Variants in MTFR1 observed in about 807,000 individuals in gnomAD.
MTFR1 encodes mitochondrial fission regulator 1, also known as chondrocyte protein with a poly-proline region.
A neutral mutation model predicts 38.8 loss-of-function variants in MTFR1; 28 were observed. The ratio of observed to expected loss-of-function variants is 0.72; its 90% CI spans 0.53 to 0.99. MTFR1 has a LOEUF of 0.99. MTFR1 is among the 50% of genes least tolerant of loss of function. The pLI is 0.00. For missense variants in MTFR1, 358 were observed against 395.5 expected (o/e 0.91, Z 0.81); for synonymous variants, 145 against 137.0 (o/e 1.06, Z -0.41).
chr8:65,684,902 G>A (rs1805024436), intron 3 of MTFR1, among the ~76,000 whole-genome samples: 1 of 152,062 alleles, frequency 6.6e-6, no homozygotes, highest in African/African-American at 2.4e-5. Context: ...TACTCAGGAG[G>A]CTGAGGCAGG....
chr8:65,740,240 C>T (rs991918113), intron 3 of MTFR1, among the ~76,000 whole-genome samples: 6 of 152,106 alleles, frequency 3.9e-5, no homozygotes, highest in African/African-American at 1.2e-4. Flanking sequence ...CACTGCCCAG[C>T]AATCATATTG....
At chr8:65,775,150 A>G (rs1156639130), downstream of MTFR1, among the ~76,000 whole-genome samples, 1 of 152,054 alleles carries the variant, frequency 6.6e-6, no homozygotes, top group Non-Finnish European at 1.5e-5. Flanking sequence ...TTCCCCTCTT[A>G]GTTTTTGAGT....
chr8:65,772,941 G>C (rs1451689290), downstream of MTFR1, among the ~76,000 whole-genome samples: 5 of 152,264 alleles, frequency 3.3e-5, no homozygotes, highest in Non-Finnish European at 7.4e-5. Context: ...CTGGGAGACG[G>C]AGGCTGCAGT....
downstream of MTFR1, among the ~76,000 whole-genome samples, chr8:65,710,998 G>T (rs530836550): frequency 5.1e-3 from 756 of 148,834 alleles, 10 homozygotes; most frequent in South Asian, 0.048. Flanking sequence ...TATAGAGAGA[G>T]AGAGAGAGAG....
At chr8:65,688,518 G>A (rs1805169929) in intron 3 of MTFR1, among the ~76,000 whole-genome samples, 1 of 144,964 alleles carries the variant, frequency 6.9e-6, no homozygotes, top group South Asian at 2.2e-4. Context: ...GCGCAATCTC[G>A]GCTCACTGCA....
At chr8:65,765,488 C>CAAAAAAAAAAAAAA (rs11342419) in intron 3 of MTFR1, 1 of 44,586 alleles carries the variant, frequency 2.2e-5, no homozygotes, top group Admixed American at 3.8e-4. Flanking sequence ...GACTCCGTCT[C>CAAAAAAAAAAAAAA]AAAAAAAAAA....
At chr8:65,694,785 C>A (rs1213967094) in intron 4 of MTFR1, among the ~76,000 whole-genome samples, 1 of 152,198 alleles carries the variant, frequency 6.6e-6, no homozygotes, top group African/African-American at 2.4e-5. Context: ...GGAGGAAATG[C>A]TAGAGCTCCA....
At chr8:65,679,395 C>A (rs902470336) in intron 2 of MTFR1, 1 of 152,200 alleles carries the variant, frequency 6.6e-6, no homozygotes, top group African/African-American at 2.4e-5. Context: ...CACTTGAGGT[C>A]AAGAGTTCGG....
At chr8:65,707,308 A>G in intron 6 of MTFR1, 52 bp downstream of exon 6, 1 of 1,566,390 alleles carries the variant, frequency 6.4e-7, no homozygotes, top group Non-Finnish European at 8.7e-7. Context: ...TTATAAAACC[A>G]AAGTACCAGG....
At chr8:65,729,561 C>T (rs573103667) in intron 3 of MTFR1, among the ~76,000 whole-genome samples, 2 of 151,998 alleles carry the variant, frequency 1.3e-5, no homozygotes, top group African/African-American at 4.8e-5. Flanking sequence ...GATGCTACCT[C>T]TGAAAACAGA....
intron 3 of MTFR1, among the ~76,000 whole-genome samples, chr8:65,736,409 G>A (rs1585845423): frequency 6.6e-6 from 1 of 152,248 alleles, no homozygotes; most frequent in East Asian, 1.9e-4. Flanking sequence ...GATAAAGGCG[G>A]ACTACTGTAC....
chr8:65,711,712 A>AAAT (rs1243300193), downstream of MTFR1, among the ~76,000 whole-genome samples: 2 of 152,316 alleles, frequency 1.3e-5, no homozygotes, highest in Admixed American at 6.5e-5. Flanking sequence ...GGGATAATAA[A>AAAT]AATAGCATAA....
intron 1 of MTFR1, among the ~76,000 whole-genome samples, chr8:65,653,693 C>A (rs1438632755): frequency 6.6e-6 from 1 of 152,096 alleles, no homozygotes; most frequent in Non-Finnish European, 1.5e-5. Context: ...CTTAGATGGT[C>A]CAAATTAGAA....
chr8:65,742,459 G>A (rs930801018), intron 3 of MTFR1, among the ~76,000 whole-genome samples: 3 of 152,176 alleles, frequency 2.0e-5, no homozygotes, highest in South Asian at 2.1e-4. Flanking sequence ...AGCTGGGAAC[G>A]ATTTGTCTTG....
intron 2 of MTFR1, among the ~76,000 whole-genome samples, chr8:65,717,359 A>G (rs1476621864): frequency 6.6e-6 from 1 of 152,224 alleles, no homozygotes; most frequent in Non-Finnish European, 1.5e-5. Flanking sequence ...TTATCACTTT[A>G]AAAAGGCCAA....
Position 65,663,885 on chromosome 8 carries a change from C to T in MTFR1, c.-80-5988C>T, listed in dbSNP as rs557028392. On this transcript the variant is annotated intron_variant, in intron 1 of 7. Transcript: ENST00000262146. Reference sequence around the variant, plus strand: ...TGTCACCCAGGCTGGAGTGCAGTGGCGCCACCTCGGCTCACTGCAACAACC... The same window carrying T: ...TGTCACCCAGGCTGGAGTGCAGTGGTGCCACCTCGGCTCACTGCAACAACC... Among the ~76,000 whole-genome samples, 3 of 141,068 alleles carry T rather than the reference C, an allele frequency of 2.1e-5. No homozygotes were observed. The East Asian group carries it at 6.3e-4, about 29-fold the overall frequency. The allele number at this position is 141,068 out of a possible 152,430, so 92.5% of individuals were successfully genotyped here.
chr8:65,652,838 G>T (rs1185816138), intron 1 of MTFR1, among the ~76,000 whole-genome samples: 1 of 152,102 alleles, frequency 6.6e-6, no homozygotes, highest in African/African-American at 2.4e-5. Flanking sequence ...TTCCTATTTG[G>T]ATGTCCTTTA....
chr8:65,648,574 C>T (rs189075828), intron 1 of MTFR1, among the ~76,000 whole-genome samples: 1 of 152,072 alleles, frequency 6.6e-6, no homozygotes, highest in Non-Finnish European at 1.5e-5. Context: ...TCATTTTTAC[C>T]AAATAAATTG....
intron 2 of MTFR1, chr8:65,719,151 A>G: frequency 1.6e-6 from 1 of 633,398 alleles, no homozygotes; most frequent in East Asian, 2.7e-5. Flanking sequence ...AACAGAGGAA[A>G]TCTTGGAAAT....
Sources: allele counts gnomAD v4.1 joint callset (sites outside exome capture counted in the v4.1 genomes callset), GRCh38; gene constraint gnomAD v4.1.1; transcripts MANE v1.5; gene names NCBI Gene and HGNC (gene_info 2026-07-23, HGNC 2026-07-21).